The following SLC24A3 variants were observed in gnomAD, a reference collection of about 807,000 sequenced individuals.
The protein encoded by SLC24A3 is sodium/potassium/calcium exchanger 3.
In SLC24A3, 28 loss-of-function variants were observed where a neutral mutation model predicts 75.8. That is an observed-to-expected ratio of 0.37 (90% confidence interval 0.27 to 0.51). The LOEUF (loss-of-function observed/expected upper bound fraction) is 0.51. SLC24A3 is among the 20% of genes least tolerant of loss of function. SLC24A3 has a pLI of 0.94. For synonymous variants in SLC24A3, 372 were observed against 334.1 expected, an observed-to-expected ratio of 1.11 and a Z score of -1.24; for missense variants, 663 against 847.8, an observed-to-expected ratio of 0.78 and a Z score of 2.71.
chr20:19,487,431 T>TA (rs1368385854), intron 2 of SLC24A3, among the ~76,000 whole-genome samples: 1 of 152,214 alleles, frequency 6.6e-6, no homozygotes, highest in Non-Finnish European at 1.5e-5. Context: ...CCTTTTCCTG[T>TA]ACCAGATCAG....
intron 2 of SLC24A3, among the ~76,000 whole-genome samples, chr20:19,400,825 G>T (rs1028940418): frequency 1.3e-5 from 2 of 152,148 alleles, no homozygotes; most frequent in Non-Finnish European, 2.9e-5. Flanking sequence ...ATCTTTTGGG[G>T]ATCACTGCCC....
intron 1 of SLC24A3, among the ~76,000 whole-genome samples, chr20:19,216,929 T>C (rs2122126373): frequency 6.6e-6 from 1 of 152,340 alleles, no homozygotes; most frequent in East Asian, 1.9e-4. Flanking sequence ...GCTTGACAGC[T>C]GCATCTGGAG....
At chr20:19,532,202 C>T (rs1228692761) in intron 3 of SLC24A3, among the ~76,000 whole-genome samples, 1 of 152,238 alleles carries the variant, frequency 6.6e-6, no homozygotes, top group African/African-American at 2.4e-5. Context: ...CTGTATGCAG[C>T]CAGGGGACCA....
chr20:19,664,735 GC>G (rs965825058), intron 7 of SLC24A3, among the ~76,000 whole-genome samples: 28 of 152,346 alleles, frequency 1.8e-4, no homozygotes, highest in Admixed American at 1.7e-3. Flanking sequence ...TAAAGGAAAG[GC>G]CGCTCTGAGA....
chr20:19,615,541 T>C (rs774807034), intron 6 of SLC24A3, among the ~76,000 whole-genome samples: 4 of 151,660 alleles, frequency 2.6e-5, no homozygotes, highest in Non-Finnish European at 2.9e-5. Context: ...AGGCAGGAGG[T>C]GCTACACACT....
chr20:19,532,561 C>T (rs1287694599), intron 3 of SLC24A3, among the ~76,000 whole-genome samples: 1 of 152,200 alleles, frequency 6.6e-6, no homozygotes, highest in African/African-American at 2.4e-5. Flanking sequence ...TGGAAAAGGG[C>T]AGACAACAGA....
intron 2 of SLC24A3, among the ~76,000 whole-genome samples, chr20:19,343,257 C>T (rs2024617): frequency 0.52 from 79,506 of 151,622 alleles, 23,438 homozygotes; most frequent in African/African-American, 0.8. Context: ...ACCACTGAGA[C>T]TGAGAGCAGT....
At chr20:19,532,145 C>G (rs1235340728) in intron 3 of SLC24A3, among the ~76,000 whole-genome samples, 5 of 152,208 alleles carry the variant, frequency 3.3e-5, no homozygotes, top group Admixed American at 2.6e-4. Context: ...TCAGTTTTCT[C>G]AGCTTTTGAT....
intron 2 of SLC24A3, among the ~76,000 whole-genome samples, chr20:19,483,277 T>C (rs927578844): frequency 6.6e-6 from 1 of 152,188 alleles, no homozygotes; most frequent in Non-Finnish European, 1.5e-5. Flanking sequence ...TAACAATAGC[T>C]TCTTAGCAGA....
At chr20:19,593,194 T>C (rs370440636) in intron 6 of SLC24A3, among the ~76,000 whole-genome samples, 1 of 150,268 alleles carries the variant, frequency 6.7e-6, no homozygotes, top group South Asian at 2.1e-4. Context: ...ACAAATGTCA[T>C]TTCTTTCCAT....
At chr20:19,467,685 A>T (rs191543526) in intron 2 of SLC24A3, among the ~76,000 whole-genome samples, 3 of 152,270 alleles carry the variant, frequency 2.0e-5, no homozygotes, top group Admixed American at 2.0e-4. Flanking sequence ...AGTCGAGACC[A>T]GCCTGGCCAA....
chr20:19,372,745 C>T (rs1176668552), intron 2 of SLC24A3, among the ~76,000 whole-genome samples: 2 of 152,026 alleles, frequency 1.3e-5, no homozygotes, highest in African/African-American at 4.8e-5. Flanking sequence ...AGGAAAGGGT[C>T]CCCAGGGAAA....
intron 2 of SLC24A3, among the ~76,000 whole-genome samples, chr20:19,400,538 C>T (rs1029261511): frequency 6.6e-6 from 1 of 152,166 alleles, no homozygotes; most frequent in South Asian, 2.1e-4. Flanking sequence ...CCCAGGTAGG[C>T]TCTTCATCTG....
chr20:19,560,828 A>G (rs1296028730), intron 3 of SLC24A3, among the ~76,000 whole-genome samples: 2 of 152,158 alleles, frequency 1.3e-5, no homozygotes, highest in African/African-American at 2.4e-5. Context: ...TACATTTTGT[A>G]TTCTTCGAAG....
intron 2 of SLC24A3, among the ~76,000 whole-genome samples, chr20:19,335,847 A>G (rs991665638): frequency 1.8e-4 from 28 of 152,222 alleles, no homozygotes; most frequent in Non-Finnish European, 3.5e-4. Context: ...TAGAACATAC[A>G]TGACCAGTGT....
At chr20:19,559,198 A>G (rs1600280294) in intron 3 of SLC24A3, among the ~76,000 whole-genome samples, 1 of 152,086 alleles carries the variant, frequency 6.6e-6, no homozygotes, top group South Asian at 2.1e-4. Context: ...TGTGGCTTCT[A>G]TTTGTTTCCT....
intron 1 of SLC24A3, among the ~76,000 whole-genome samples, chr20:19,231,256 A>G (rs974014658): frequency 6.6e-6 from 1 of 152,206 alleles, no homozygotes; most frequent in Non-Finnish European, 1.5e-5. Flanking sequence ...GAGCTACCCC[A>G]GTGTGGTTTG....
chr20:19,301,157 C>T (rs1242878542), intron 2 of SLC24A3, among the ~76,000 whole-genome samples: 1 of 152,194 alleles, frequency 6.6e-6, no homozygotes, highest in Non-Finnish European at 1.5e-5. Context: ...CACTTTCTCC[C>T]CTGCACCTCT....
chr20:19,585,552 T>A lies in SLC24A3; in HGVS notation c.612+8T>A, dbSNP rs1944331711. ...GGGCTCTTTGCTGGGCAGGTAAGACTGGCGGCTTCTTTGTGATGGCAAAAT... is the reference window on the plus strand; with the variant it reads ...GGGCTCTTTGCTGGGCAGGTAAGACAGGCGGCTTCTTTGTGATGGCAAAAT... On this transcript the variant is annotated splice_region_variant and intron_variant, in intron 6 of 16. Transcript: ENST00000328041. 6.2e-7 allele frequency: 1 copy of A among 1,612,314 alleles called. No homozygotes were observed. The highest frequency in any genetic ancestry group is 1.3e-5 in the African/African-American group (1 of 74,832).
Sources: gnomAD v4.1 joint callset for allele counts (sites outside exome capture counted in the v4.1 genomes callset) on GRCh38, gnomAD v4.1.1 for gene constraint, MANE v1.5 for transcripts, NCBI Gene and HGNC (gene_info 2026-07-23, HGNC 2026-07-21) for gene names.